The following LYPLA1 variants were observed in gnomAD, a reference collection of about 807,000 sequenced individuals.
The protein encoded by LYPLA1 is acyl-protein thioesterase 1.
A neutral mutation model predicts 34.0 loss-of-function variants in LYPLA1; 17 were observed. The observed-to-expected ratio is 0.50, with a 90% CI of 0.34 to 0.75. The LOEUF is 0.75. Among genes scored for constraint, LYPLA1 ranks in the 30% least tolerant of loss-of-function variants. The pLI is 0.01. For missense variants in LYPLA1, 203 were observed against 288.8 expected, an observed-to-expected ratio of 0.70 and a Z score of 2.15; for synonymous variants, 98 against 100.8, an observed-to-expected ratio of 0.97 and a Z score of 0.17.
chr8:54,101,570 G>C, intron 1 of LYPLA1, 185 bp downstream of exon 1: 1 of 1,151,412 alleles, frequency 8.7e-7, no homozygotes, highest in Non-Finnish European at 1.1e-6. Flanking sequence ...CGCGCCGGCT[G>C]TGACCCCCCG....
chr8:54,082,914 G>C (rs2089821772), intron 2 of LYPLA1, among the ~76,000 whole-genome samples: 1 of 152,120 alleles, frequency 6.6e-6, no homozygotes, highest in Admixed American at 6.6e-5. Context: ...TTTTAGTAGA[G>C]ACGGGGTTTC....
intron 2 of LYPLA1, among the ~76,000 whole-genome samples, chr8:54,077,004 G>A (rs1488299297): frequency 6.6e-6 from 1 of 151,984 alleles, no homozygotes; most frequent in African/African-American, 2.4e-5. Flanking sequence ...TGACAGAGCT[G>A]GTCTCGGCAG....
At chr8:54,101,334 A>G in intron 1 of LYPLA1, 2 of 1,077,790 alleles carry the variant, frequency 1.9e-6, no homozygotes, top group Non-Finnish European at 2.2e-6. Flanking sequence ...GTTTTCTAAA[A>G]AACAGTACGT....
intron 5 of LYPLA1, among the ~76,000 whole-genome samples, chr8:54,055,937 A>G (rs78500946): frequency 0.13 from 20,073 of 152,054 alleles, 3,528 homozygotes; most frequent in African/African-American, 0.41. Context: ...CACCGTGCCT[A>G]GCCCCCTAAA....
At position 54,100,928 on chromosome 8, in the gene LYPLA1, C is replaced by A. The variant is rs764564243; in HGVS notation, c.81G>T (p.Leu27=). ...CCTACCCAGTATCTCCCAATCCATG[C>A]AGGAAAATCACCTATAAGAGAAGAG... ...ARKATAAVIF[L]HGLGDTGHGW... is the part of the protein sequence containing the mutation. Residue 27 remains leucine (L), a synonymous_variant, in exon 2 of 9, where the codon CTG becomes CTT. Transcript: ENST00000316963. 6.2e-6 allele frequency: 10 copies of A among 1,609,542 alleles called. No individual in the cohort carries two copies. Among genetic ancestry groups the A allele is most frequent in the Non-Finnish European group, 7.7e-6 (9 of 1,176,054 alleles).
chr8:54,079,790 G>A (rs1034886824), intron 2 of LYPLA1, among the ~76,000 whole-genome samples: 19 of 151,798 alleles, frequency 1.3e-4, no homozygotes, highest in South Asian at 4.2e-4. Flanking sequence ...CTGAGACCTC[G>A]TTTCCCCCTG....
At chr8:54,051,851 T>TC (rs1805864773) in intron 7 of LYPLA1, among the ~76,000 whole-genome samples, 1 of 150,198 alleles carries the variant, frequency 6.7e-6, no homozygotes, top group South Asian at 2.1e-4. Context: ...AGCTATCTTT[T>TC]TTTTTTTTTT....
intron 2 of LYPLA1, among the ~76,000 whole-genome samples, chr8:54,070,710 G>A (rs149599704): frequency 8.9e-4 from 135 of 152,252 alleles, no homozygotes; most frequent in Middle Eastern, 3.4e-3. Context: ...GCGGCAGAGC[G>A]AGACTCCATC....
intron 2 of LYPLA1, among the ~76,000 whole-genome samples, chr8:54,075,221 C>G (rs1807797495): frequency 1.3e-5 from 2 of 152,180 alleles, no homozygotes. Flanking sequence ...TCTACAGAAA[C>G]CAGCTGCAAA....
chr8:54,062,351 T>C (rs1053654220), intron 4 of LYPLA1, 27 bp from the exon 5 acceptor site: 9 of 1,481,548 alleles, frequency 6.1e-6, no homozygotes, highest in Non-Finnish European at 7.4e-6. Context: ...AATCTTTTGA[T>C]TCTAAGAAAA....
chr8:54,061,271 G>A lies in LYPLA1; in HGVS notation c.286+983C>T, dbSNP rs533893281. 5.3e-5 allele frequency among the ~76,000 whole-genome samples: 8 copies of A among 151,804 alleles called. No homozygotes were observed. The East Asian group carries it at 1.4e-3, about 26-fold the overall frequency. On this transcript the variant is annotated intron_variant, in intron 5 of 8. Coordinates refer to ENST00000316963, the MANE Select transcript of LYPLA1 (RefSeq NM_006330.4). The stretch of plus-strand genomic sequence containing the variant: ...AATTTTTTAATTTTTAGTAGAAACG[G>A]GGTTTCACTAGGTTAGCCAGGCTGG...
At chr8:54,073,646 A>G in intron 2 of LYPLA1, 1 of 453,316 alleles carries the variant, frequency 2.2e-6, no homozygotes, top group Non-Finnish European at 4.0e-6. Flanking sequence ...TGCTGCTACA[A>G]TGTCCTAACA....
chr8:54,067,842 C>T (rs1807185758), intron 2 of LYPLA1, among the ~76,000 whole-genome samples: 2 of 151,732 alleles, frequency 1.3e-5, no homozygotes, highest in Non-Finnish European at 2.9e-5. Context: ...CGCCACCACA[C>T]CAGCTAAATT....
rs184512454 is a variant in LYPLA1, at chr8:54,081,856, A to G, written c.102-16043T>C. ...GTGATTCTCCTGCCTCAGCCTCCCA[A>G]GTAGCTGCGATTACAGGCATGTGCC... On this transcript the variant is annotated intron_variant, in intron 2 of 8. Coordinates refer to ENST00000316963, the MANE Select transcript of LYPLA1 (RefSeq NM_006330.4). 7.0e-4 allele frequency among the ~76,000 whole-genome samples: 107 copies of G among 152,006 alleles called. 3 individuals are homozygous for G. In the East Asian group the frequency reaches 0.017, roughly 24 times the overall value.
chr8:54,055,021 T>C (rs746485061), intron 6 of LYPLA1, 39 bp downstream of exon 6: 4 of 1,185,702 alleles, frequency 3.4e-6, no homozygotes, highest in Non-Finnish European at 5.0e-6. Flanking sequence ...TAAATAAGTA[T>C]ACTGATGGTA....
chr8:54,067,597 C>T (rs1240716827), intron 2 of LYPLA1, among the ~76,000 whole-genome samples: 1 of 152,068 alleles, frequency 6.6e-6, no homozygotes, highest in Non-Finnish European at 1.5e-5. Flanking sequence ...TTACATTTGG[C>T]CATATACTTG....
At chr8:54,099,541 G>A (rs550613480) in intron 2 of LYPLA1, among the ~76,000 whole-genome samples, 2 of 152,254 alleles carry the variant, frequency 1.3e-5, no homozygotes, top group East Asian at 1.9e-4. Flanking sequence ...AGCTGGCATG[G>A]TGGCAAGCAA....
intron 2 of LYPLA1, among the ~76,000 whole-genome samples, chr8:54,080,747 C>A (rs1276985404): frequency 6.6e-6 from 1 of 152,070 alleles, no homozygotes. Flanking sequence ...GCCACCATAC[C>A]CAACTAATTT....
At chr8:54,066,666 A>G (rs1445387107) in intron 2 of LYPLA1, among the ~76,000 whole-genome samples, 1 of 151,968 alleles carries the variant, frequency 6.6e-6, no homozygotes, top group African/African-American at 2.4e-5. Context: ...CTGTAGTCCC[A>G]GCTACTCAGG....
Sources: gnomAD v4.1 joint callset for allele counts (sites outside exome capture counted in the v4.1 genomes callset) on GRCh38, gnomAD v4.1.1 for gene constraint, MANE v1.5 for transcripts, NCBI Gene and HGNC (gene_info 2026-07-23, HGNC 2026-07-21) for gene names.